The following NUMB variants were observed in gnomAD, a reference collection of about 807,000 sequenced individuals.
NUMB encodes protein numb homolog.
In NUMB, 29 loss-of-function variants were observed where a neutral mutation model predicts 59.7. That is an observed-to-expected ratio of 0.49 (90% CI 0.36 to 0.66). NUMB has a LOEUF of 0.66. NUMB is among the 30% of genes least tolerant of loss of function. NUMB has a pLI of 0.00. For missense variants in NUMB, 723 were observed against 822.0 expected, an observed-to-expected ratio of 0.88 and a Z score of 1.47; for synonymous variants, 288 against 288.2, an observed-to-expected ratio of 1.00 and a Z score of 0.01.
In NUMB at chr14:73,389,024, G is replaced by A. The variant is rs182518213; in HGVS notation, c.-101+20913C>T. On this transcript the variant is annotated intron_variant, in intron 2 of 12. Transcript: ENST00000555238. The stretch of plus-strand genomic sequence containing the variant: ...TGCGGCAGAAGAATGGCGTGAGCCC[G>A]GGAGGCGGAGCTTGCAGTGAGCCAA... 3.4e-3 allele frequency among the ~76,000 whole-genome samples: 520 copies of A among 151,374 alleles called. 1 individual carries two copies. The highest frequency in any genetic ancestry group is 0.012 in the African/African-American group (484 of 41,270).
At chr14:73,444,178 T>G (rs1883292844) in intron 1 of NUMB, among the ~76,000 whole-genome samples, 1 of 152,138 alleles carries the variant, frequency 6.6e-6, no homozygotes, top group South Asian at 2.1e-4. Flanking sequence ...GGCTGGTGGA[T>G]CACGACATCA....
chr14:73,359,753 G>GAAAT lies in NUMB; in HGVS notation c.-15-3991_-15-3988dup, dbSNP rs756197973. Among the ~76,000 whole-genome samples, 77 of 152,242 alleles carry GAAAT rather than the reference G, an allele frequency of 5.1e-4. No individual in the cohort carries two copies. In the Middle Eastern group the frequency reaches 0.01, roughly 20 times the overall value. ...GCCACTGAAAAAATTACAGAAATAAGAAATAAGCTGTTAAAAACAGCTCTG... is the reference window on the plus strand; with the variant it reads ...GCCACTGAAAAAATTACAGAAATAAGAAATAAATAAGCTGTTAAAAACAGCTCTG... On this transcript the variant is annotated intron_variant, in intron 3 of 12. Transcript: ENST00000555238.
intron 4 of NUMB, among the ~76,000 whole-genome samples, chr14:73,346,395 G>T (rs2139991312): frequency 6.6e-6 from 1 of 151,490 alleles, no homozygotes; most frequent in South Asian, 2.1e-4. Flanking sequence ...CAGGAGAATT[G>T]CTTGAACCCA....
chr14:73,361,896 T>C (rs1030413937), intron 3 of NUMB, among the ~76,000 whole-genome samples: 2 of 152,158 alleles, frequency 1.3e-5, no homozygotes, highest in East Asian at 3.9e-4. Flanking sequence ...TGTAAATATA[T>C]GTATTTCCTC....
intron 2 of NUMB, among the ~76,000 whole-genome samples, chr14:73,371,110 C>T (rs1894652458): frequency 6.6e-6 from 1 of 152,060 alleles, no homozygotes; most frequent in South Asian, 2.1e-4. Flanking sequence ...TTTTTCTGAA[C>T]CATATGAGAG....
intron 2 of NUMB, among the ~76,000 whole-genome samples, chr14:73,406,230 G>A (rs1341064305): frequency 2.7e-4 from 40 of 149,300 alleles, no homozygotes; most frequent in Non-Finnish European, 5.0e-4. Flanking sequence ...ATCTCCTAAT[G>A]CTATCCCTCC....
chr14:73,289,756 G>A (rs1003688791), intron 8 of NUMB, among the ~76,000 whole-genome samples: 2 of 152,194 alleles, frequency 1.3e-5, no homozygotes, highest in Non-Finnish European at 2.9e-5. Context: ...TAACTTCCCA[G>A]TAGGATGACA....
intron 4 of NUMB, among the ~76,000 whole-genome samples, chr14:73,326,609 AAGAG>A (rs1355767342): frequency 6.6e-6 from 1 of 152,070 alleles, no homozygotes; most frequent in Non-Finnish European, 1.5e-5. Context: ...CTTGGGCAAC[AAGAG>A]AGAAACTTTG....
At chr14:73,363,190 A>T (rs1343602168) in intron 3 of NUMB, among the ~76,000 whole-genome samples, 4 of 151,976 alleles carry the variant, frequency 2.6e-5, no homozygotes, top group African/African-American at 9.7e-5. Context: ...CCAGCTACTC[A>T]GGAGACCGAT....
At chr14:73,303,306 A>ATGG (rs1045873842) in intron 6 of NUMB, among the ~76,000 whole-genome samples, 1 of 152,142 alleles carries the variant, frequency 6.6e-6, no homozygotes, top group African/African-American at 2.4e-5. Flanking sequence ...CTGGCCAGGC[A>ATGG]TGGTGGCTCA....
At chr14:73,422,908 C>CAAAAA (rs143271018) in intron 1 of NUMB, among the ~76,000 whole-genome samples, 1 of 123,118 alleles carries the variant, frequency 8.1e-6, no homozygotes, top group Non-Finnish European at 1.8e-5. Flanking sequence ...GATCCTGTCT[C>CAAAAA]AAAAAAAAAA....
chr14:73,352,840 C>T (rs1893490574), intron 4 of NUMB, among the ~76,000 whole-genome samples: 1 of 150,664 alleles, frequency 6.6e-6, no homozygotes, highest in Admixed American at 6.6e-5. Context: ...CCGTGCCTGC[C>T]CTGTAATAGT....
At chr14:73,369,064 C>T (rs1299677662) in intron 2 of NUMB, among the ~76,000 whole-genome samples, 2 of 144,568 alleles carry the variant, frequency 1.4e-5, no homozygotes, top group Admixed American at 1.4e-4. Flanking sequence ...TTTTTTGAGA[C>T]GGTGTCTCAC....
rs571280506 is a variant in NUMB, at chr14:73,354,941, T to C, written c.126+685A>G. On this transcript the variant is annotated intron_variant, in intron 4 of 12. Transcript: ENST00000555238. ...ACATTTGGTATTTGGTCTAGTTCTA[T>C]TTTTTTGCCCCCACATTTAATACAT... Among the ~76,000 whole-genome samples the C allele has an allele frequency of 7.9e-5, 12 of 152,160 alleles. No homozygotes were observed. The South Asian group carries it at 2.1e-3, about 26-fold the overall frequency.
At chr14:73,394,706 T>C (rs1010979650) in intron 2 of NUMB, among the ~76,000 whole-genome samples, 2 of 152,230 alleles carry the variant, frequency 1.3e-5, no homozygotes, top group Non-Finnish European at 2.9e-5. Flanking sequence ...CCCTAGATCC[T>C]GGCAACCATC....
chr14:73,276,546 G>C lies in NUMB; in HGVS notation c.*32C>G, dbSNP rs1315128424. The C allele has an allele frequency of 6.4e-7, 1 of 1,553,044 alleles. No homozygotes were observed. The highest frequency in any genetic ancestry group is 2.3e-5 in the East Asian group (1 of 44,420). ...ACCGCTACCCCCTGCTCCCTGTCTGGTATGGACAAGATACATAGCCATAAT... is the reference window on the plus strand; with the variant it reads ...ACCGCTACCCCCTGCTCCCTGTCTGCTATGGACAAGATACATAGCCATAAT... On this transcript the variant is annotated 3_prime_UTR_variant, in exon 13 of 13. Transcript: ENST00000555238.
chr14:73,287,655 G>A (rs537934091), intron 8 of NUMB, among the ~76,000 whole-genome samples: 1 of 152,168 alleles, frequency 6.6e-6, no homozygotes, highest in South Asian at 2.1e-4. Context: ...TGGGATTACA[G>A]GCATGAGCCA....
At chr14:73,277,331 G>C in intron 12 of NUMB, 38 bp from the exon 13 acceptor site, 2 of 1,464,480 alleles carry the variant, frequency 1.4e-6, no homozygotes, top group Non-Finnish European at 1.9e-6. Context: ...GAATCAGTTA[G>C]GGGCATCTTT....
chr14:73,420,408 A>C lies in NUMB; in HGVS notation c.-232-10340T>G, dbSNP rs1395124503. ...AGAGAAAAACACACTGGAAAAGATA[A>C]GTGTATCACATGTATAAGGGTGACT... On this transcript the variant is annotated intron_variant, in intron 1 of 12. Transcript: ENST00000555238. Among the ~76,000 whole-genome samples the C allele has an allele frequency of 4.6e-5, 7 of 152,330 alleles. No homozygotes were observed. The South Asian group carries it at 8.3e-4, about 18-fold the overall frequency.
Sources: allele counts gnomAD v4.1 joint callset (sites outside exome capture counted in the v4.1 genomes callset), GRCh38; gene constraint gnomAD v4.1.1; transcripts MANE v1.5; gene names NCBI Gene and HGNC (gene_info 2026-07-23, HGNC 2026-07-21).